The following BCAS3 variants were observed in gnomAD, a reference collection of about 807,000 sequenced individuals.
The protein encoded by BCAS3 is BCAS3 microtubule associated cell migration factor, also known as BCAS4/BCAS3 fusion.
A neutral mutation model predicts 116.1 loss-of-function variants in BCAS3; 53 were observed. That is an observed-to-expected ratio of 0.46 (90% CI 0.37 to 0.57). The LOEUF (loss-of-function observed/expected upper bound fraction) is 0.57, where lower values mean the gene tolerates loss of function less well. Ranked by LOEUF, BCAS3 falls within the 20% of genes least tolerant of loss-of-function variation. The pLI is 0.00. For missense variants in BCAS3, 917 were observed against 1,165.4 expected (o/e 0.79, Z 3.10); for synonymous variants, 391 against 408.2 (o/e 0.96, Z 0.51).
chr17:60,904,335 C>T (rs982337700), intron 11 of BCAS3, among the ~76,000 whole-genome samples: 1 of 151,944 alleles, frequency 6.6e-6, no homozygotes, highest in Non-Finnish European at 1.5e-5. Context: ...ACCCAGGAGG[C>T]GGAGGTTTCA....
At chr17:61,022,227 A>G (rs1240065755) in intron 16 of BCAS3, among the ~76,000 whole-genome samples, 2 of 151,868 alleles carry the variant, frequency 1.3e-5, no homozygotes, top group Non-Finnish European at 1.5e-5. Flanking sequence ...TATATACCAT[A>G]TATATATTTT....
intron 6 of BCAS3, among the ~76,000 whole-genome samples, chr17:60,760,751 C>A (rs1460225774): frequency 6.6e-6 from 1 of 152,062 alleles, no homozygotes; most frequent in Non-Finnish European, 1.5e-5. Flanking sequence ...CTAGGTCTTT[C>A]TCTTGCTAGA....
At chr17:61,283,091 T>G (rs1379197162) in intron 22 of BCAS3, among the ~76,000 whole-genome samples, 1 of 152,180 alleles carries the variant, frequency 6.6e-6, no homozygotes, top group Non-Finnish European at 1.5e-5. Flanking sequence ...TTTTTTTTGC[T>G]CCACGTTGCT....
At chr17:60,980,104 C>T (rs974630786) in intron 14 of BCAS3, among the ~76,000 whole-genome samples, 1 of 152,012 alleles carries the variant, frequency 6.6e-6, no homozygotes, top group African/African-American at 2.4e-5. Context: ...TGGTAGAATT[C>T]GGCTGTGAAT....
chr17:60,947,596 C>G (rs1472170421), intron 14 of BCAS3, among the ~76,000 whole-genome samples: 1 of 152,028 alleles, frequency 6.6e-6, no homozygotes, highest in Non-Finnish European at 1.5e-5. Flanking sequence ...GGCTGTTTAT[C>G]CTGCTTTTCC....
Position 60,967,981 on chromosome 17 carries a change from G to A in BCAS3, c.1221+20629G>A, listed in dbSNP as rs1469022722. Among the ~76,000 whole-genome samples, 2 of 137,616 alleles carry A rather than the reference G, an allele frequency of 1.5e-5. No homozygotes were observed. Among genetic ancestry groups the A allele is most frequent in the Non-Finnish European group, 2.9e-5 (2 of 67,842 alleles). The allele number at this position is 137,616 out of a possible 152,430, so 90.3% of individuals were successfully genotyped here. A position where few individuals can be genotyped will look rare whatever the true frequency, so the allele number is the denominator to read the frequency against. ...TTGTTGTTGTTGTTGTTGTTGTTTTGGAGATCACTGAGTTTTCTTAAAACT... is the reference window on the plus strand; with the variant it reads ...TTGTTGTTGTTGTTGTTGTTGTTTTAGAGATCACTGAGTTTTCTTAAAACT... On this transcript the variant is annotated intron_variant, in intron 14 of 23. Transcript: ENST00000407086. The surrounding 1 kb of genome is among the most constrained non-coding windows in gnomAD (Gnocchi z 4.7).
chr17:61,176,358 A>T, intron 22 of BCAS3, among the ~76,000 whole-genome samples: 1 of 76,546 alleles, frequency 1.3e-5, no homozygotes, highest in Non-Finnish European at 3.1e-5. Flanking sequence ...TACCCAGAAA[A>T]TTTTTTTCTT....
At chr17:60,711,055 G>A (rs962697326) in intron 5 of BCAS3, among the ~76,000 whole-genome samples, 3 of 151,772 alleles carry the variant, frequency 2.0e-5, no homozygotes, top group African/African-American at 7.3e-5. Context: ...CTCCTACTTG[G>A]CCTCCTAAAG....
At chr17:61,112,891 C>T (rs1392135897) in intron 22 of BCAS3, among the ~76,000 whole-genome samples, 4 of 151,102 alleles carry the variant, frequency 2.6e-5, no homozygotes, top group Non-Finnish European at 5.9e-5. Flanking sequence ...AACTATCTCT[C>T]AGACCACAGT....
chr17:61,075,938 A>G (rs1369287174), intron 20 of BCAS3, among the ~76,000 whole-genome samples: 4 of 151,554 alleles, frequency 2.6e-5, no homozygotes, highest in Non-Finnish European at 5.9e-5. Context: ...TTGTTTTTTA[A>G]TGTAGAGACA....
At chr17:61,100,923 CT>C (rs2143660686) in intron 22 of BCAS3, among the ~76,000 whole-genome samples, 1 of 152,174 alleles carries the variant, frequency 6.6e-6, no homozygotes, top group Admixed American at 6.5e-5. Context: ...AATAACTTGT[CT>C]ACTGTCACAG....
At chr17:61,194,248 C>T (rs909206044) in intron 22 of BCAS3, among the ~76,000 whole-genome samples, 1 of 152,190 alleles carries the variant, frequency 6.6e-6, no homozygotes, top group Non-Finnish European at 1.5e-5. Flanking sequence ...TGGCTTCATT[C>T]TTTCCTCACT....
chr17:60,825,101 G>C (rs995500851), intron 7 of BCAS3, among the ~76,000 whole-genome samples: 1 of 151,732 alleles, frequency 6.6e-6, no homozygotes, highest in African/African-American at 2.4e-5. Flanking sequence ...AGGAGGTAGA[G>C]GTTGCAGTGA....
chr17:61,038,684 T>G (rs2067256329), intron 18 of BCAS3, among the ~76,000 whole-genome samples: 1 of 147,970 alleles, frequency 6.8e-6, no homozygotes, highest in Non-Finnish European at 1.5e-5. Flanking sequence ...TTTTTTTTTT[T>G]TTTGGAGACA....
At chr17:60,868,825 A>G (rs2054858633) in intron 8 of BCAS3, 142 bp downstream of exon 8, 3 of 500,796 alleles carry the variant, frequency 6.0e-6, no homozygotes, top group Non-Finnish European at 1.0e-5. Context: ...GTTCAGTGGA[A>G]TAACTCTAAG....
intron 7 of BCAS3, among the ~76,000 whole-genome samples, chr17:60,867,979 C>A (rs1042368856): frequency 6.7e-6 from 1 of 148,888 alleles, no homozygotes; most frequent in Non-Finnish European, 1.5e-5. Flanking sequence ...TTATTAGATT[C>A]TTTTATGTAT....
intron 4 of BCAS3, among the ~76,000 whole-genome samples, chr17:60,703,467 G>A (rs1189334356): frequency 6.6e-6 from 1 of 151,350 alleles, no homozygotes; most frequent in African/African-American, 2.4e-5. Context: ...GTATTCCCAG[G>A]CAGGAGATCG....
chr17:61,388,831 G>GT lies in BCAS3; in HGVS notation c.2594-3146_2594-3145insT. ...CCCACACACACCCCTGCCTGCAGGG[G>GT]GAGGAGCAGAAGGGGTCTGAGAGGA... On this transcript the variant is annotated intron_variant, in intron 23 of 23. Coordinates refer to ENST00000407086, the MANE Select transcript of BCAS3 (RefSeq NM_017679.5). The surrounding 1 kb of genome is among the most constrained non-coding windows in gnomAD (Gnocchi z 6.5). 7.1e-6 allele frequency: 7 copies of GT among 991,326 alleles called. No individual in the cohort carries two copies. Among genetic ancestry groups the GT allele is most frequent in the Non-Finnish European group, 1.0e-5 (7 of 681,212 alleles). The allele number at this position is 991,326 out of a possible 1,614,324, so 61.4% of individuals were successfully genotyped here.
chr17:60,754,895 C>T (rs1305642644), intron 6 of BCAS3, among the ~76,000 whole-genome samples: 1 of 152,096 alleles, frequency 6.6e-6, no homozygotes, highest in African/African-American at 2.4e-5. Context: ...CTAATGTTTT[C>T]CGCTCTAATT....
Sources: gnomAD v4.1 joint callset for allele counts (sites outside exome capture counted in the v4.1 genomes callset) on GRCh38, gnomAD v4.1.1 for gene constraint, Gnocchi (gnomAD v3.1) non-coding constraint, MANE v1.5 for transcripts, NCBI Gene and HGNC (gene_info 2026-07-23, HGNC 2026-07-21) for gene names.